ACSM5: variants seen among roughly 807,000 people sequenced by gnomAD.
ACSM5 encodes acyl-coenzyme A synthetase ACSM5, mitochondrial.
A neutral mutation model predicts 71.6 loss-of-function variants in ACSM5; 56 were observed. That is an observed-to-expected ratio of 0.78 (90% CI 0.63 to 0.98). The LOEUF (loss-of-function observed/expected upper bound fraction) is 0.98, where lower values mean the gene tolerates loss of function less well. Among genes scored for constraint, ACSM5 ranks in the 50% least tolerant of loss-of-function variants. The pLI, the probability that ACSM5 is intolerant of heterozygous loss-of-function variation, is 0.00. For missense variants in ACSM5, 723 were observed against 726.0 expected, an observed-to-expected ratio of 1.00 and a Z score of 0.05; for synonymous variants, 285 against 281.5, an observed-to-expected ratio of 1.01 and a Z score of -0.12.
intron 6 of ACSM5, among the ~76,000 whole-genome samples, chr16:20,426,774 TTG>T (rs1403517324): frequency 6.6e-6 from 1 of 152,160 alleles, no homozygotes; most frequent in Non-Finnish European, 1.5e-5. Flanking sequence ...TGGGAAATTA[TTG>T]TGTAATGGGT....
At position 20,439,880 on chromosome 16, in the gene ACSM5, T is replaced by A; in HGVS notation, c.1617T>A (p.His539Gln). 2 of 1,612,296 alleles carry A rather than the reference T, an allele frequency of 1.2e-6. No homozygotes were observed. Among genetic ancestry groups the A allele is most frequent in the Middle Eastern group, 3.3e-4 (2 of 6,000 alleles). ...PEALTRELQEHVKRVTAPYKY... is the reference protein window; with the variant it reads ...PEALTRELQEQVKRVTAPYKY... ...CACTAACGCGGGAACTCCAGGAGCA[T>A]GTGAAAAGGGTGACTGCTCCATACA... The change falls in exon 13 of 14, where the codon CAT (histidine) becomes CAA (glutamine). Residue 539 changes from histidine (H) to glutamine (Q), a missense_variant. Physicochemically the swap from His to Gln is conservative, Grantham distance 24. Coordinates refer to ENST00000331849, the MANE Select transcript of ACSM5 (RefSeq NM_017888.3).
chr16:20,439,764 G>T (rs71374811), intron 12 of ACSM5, 36 bp from the exon 13 acceptor site: 373,571 of 1,467,528 alleles, frequency 0.25, 31,908 homozygotes, highest in East Asian at 0.59. Flanking sequence ...TGTTATACGA[G>T]GCCTGATCTT....
intron 10 of ACSM5, among the ~76,000 whole-genome samples, chr16:20,436,089 C>T (rs1423640991): frequency 7.2e-6 from 1 of 138,662 alleles, no homozygotes; most frequent in African/African-American, 2.8e-5. Flanking sequence ...TCCTTCCTTC[C>T]TTTTCTCTTT....
intron 7 of ACSM5, 127 bp downstream of exon 7, chr16:20,427,994 T>C (rs1282508710): frequency 7.2e-5 from 54 of 750,252 alleles, no homozygotes; most frequent in Non-Finnish European, 1.2e-4. Context: ...TATATATTTT[T>C]CTGCCTCTCT....
In ACSM5 at chr16:20,418,128, T is replaced by A. The variant is rs1324404125; in HGVS notation, c.274T>A (p.Phe92Ile). 1 of 1,613,632 alleles carries A rather than the reference T, an allele frequency of 6.2e-7. No homozygotes were observed. Among genetic ancestry groups the A allele is most frequent in the East Asian group, 2.2e-5 (1 of 44,876 alleles). The change falls in exon 3 of 14, where the codon TTT becomes ATT. Residue 92 changes from phenylalanine (F) to isoleucine (I), a missense_variant. Phe to Ile is a conservative substitution (Grantham distance 21). Transcript: ENST00000331849. The part of the protein sequence containing the change: ...NGTGAEIKWS[F>I]EELGKQSRKA... Reference sequence around the variant, plus strand: ...CACAGGAGCAGAGATCAAGTGGAGCTTTGAGGAGCTGGGGAAGCAGTCCAG... The same window carrying A: ...CACAGGAGCAGAGATCAAGTGGAGCATTGAGGAGCTGGGGAAGCAGTCCAG...
intron 7 of ACSM5, among the ~76,000 whole-genome samples, chr16:20,429,203 G>T (rs1381780974): frequency 3.9e-5 from 6 of 151,922 alleles, no homozygotes; most frequent in Non-Finnish European, 8.8e-5. Context: ...GGTAGAGACG[G>T]GGTTTTACCA....
At chr16:20,418,934 T>TC (rs1966865168) in intron 3 of ACSM5, among the ~76,000 whole-genome samples, 1 of 152,202 alleles carries the variant, frequency 6.6e-6, no homozygotes, top group East Asian at 1.9e-4. Context: ...CCTCCTGTTG[T>TC]CATGAATGTC....
chr16:20,417,943 T>C lies in ACSM5; in HGVS notation c.205-116T>C, dbSNP rs1358565026. 2.9e-6 allele frequency: 3 copies of C among 1,025,680 alleles called. No homozygotes were observed. The African/African-American group carries it at 4.9e-5, about 17-fold the overall frequency. 63.5% of individuals were successfully genotyped at this position (1,025,680 alleles called of 1,614,324 possible). A position where few individuals can be genotyped will look rare whatever the true frequency, so the allele number is the denominator to read the frequency against. Reference sequence around the variant, plus strand: ...CAATGCATGTCTTTCCATATTGCTTTGCTTTTTGAACCCTGTGAATTTTAT... The same window carrying C: ...CAATGCATGTCTTTCCATATTGCTTCGCTTTTTGAACCCTGTGAATTTTAT... On this transcript the variant is annotated intron_variant, in intron 2 of 13. Coordinates refer to ENST00000331849, the MANE Select transcript of ACSM5 (RefSeq NM_017888.3).
rs1322223280 is a variant in ACSM5 at position 20,411,688 on chromosome 16, G to A, written c.204G>A (p.Glu68=). 1.2e-6 allele frequency: 2 copies of A among 1,613,572 alleles called. No homozygotes were observed. The highest frequency in any genetic ancestry group is 3.3e-5 in the Admixed American group (2 of 60,008). Residue 68 remains glutamate (E), a splice_region_variant and synonymous_variant, in exon 2 of 14, where the codon GAG becomes GAA. Coordinates refer to ENST00000331849, the MANE Select transcript of ACSM5 (RefSeq NM_017888.3). ...DVLDVWSRLE[E]AGHRPPNPAF... ...TGGATGTGTGGAGTCGGCTGGAAGA[G>A]GTGAAGCCTGTTCTGTCCTAGAGTC...
At chr16:20,434,200 A>G (rs748900659) in intron 10 of ACSM5, among the ~76,000 whole-genome samples, 2 of 152,210 alleles carry the variant, frequency 1.3e-5, no homozygotes, top group Non-Finnish European at 2.9e-5. Context: ...ACTTTAGGGT[A>G]GAAAATACAC....
At chr16:20,422,346 A>G (rs888709216) in intron 5 of ACSM5, among the ~76,000 whole-genome samples, 1 of 152,086 alleles carries the variant, frequency 6.6e-6, no homozygotes, top group Non-Finnish European at 1.5e-5. Context: ...TCCTGACCTC[A>G]TGATCCTCAC....
At chr16:20,431,376 G>A in intron 10 of ACSM5, 55 bp downstream of exon 10, 6 of 1,359,518 alleles carry the variant, frequency 4.4e-6, no homozygotes, top group Admixed American at 3.4e-5. Flanking sequence ...TAAGCATTGT[G>A]CACCACACTT....
At chr16:20,429,939 T>A (rs1259499841) in intron 8 of ACSM5, 138 bp downstream of exon 8, 1 of 1,014,550 alleles carries the variant, frequency 9.9e-7, no homozygotes, top group African/African-American at 1.6e-5. Flanking sequence ...TTCCATCAGC[T>A]TTCCTTCCCT....
chr16:20,421,615 CTATATATATATATATATATATATATA>C (rs59443556), intron 5 of ACSM5, among the ~76,000 whole-genome samples: 7 of 105,830 alleles, frequency 6.6e-5, no homozygotes, highest in East Asian at 2.6e-4. Context: ...TAAATCGTGG[CTATATATATATATATATATATATATA>C]TATATATATA....
At chr16:20,423,663 C>T (rs941273492) in intron 5 of ACSM5, among the ~76,000 whole-genome samples, 7 of 152,212 alleles carry the variant, frequency 4.6e-5, no homozygotes, top group Non-Finnish European at 8.8e-5. Flanking sequence ...TTAATTTTTT[C>T]CCCTTATATA....
chr16:20,421,640 T>C (rs1003852996), intron 5 of ACSM5, among the ~76,000 whole-genome samples: 3 of 133,662 alleles, frequency 2.2e-5, no homozygotes, highest in Non-Finnish European at 3.1e-5. Context: ...TATATATATA[T>C]ATATATATAT....
At position 20,423,944 on chromosome 16, in the gene ACSM5, ATCT is replaced by A. The variant is rs1567343263; in HGVS notation, c.800_802del (p.Phe267del). ...GTGGGTGGCCTTGACCGAATCTGAC[ATCT>A]TCTGGAACACGACTGACACTGGCTG... On this transcript the variant is annotated inframe_deletion, in exon 6 of 14. Coordinates refer to ENST00000331849, the MANE Select transcript of ACSM5 (RefSeq NM_017888.3). The A allele has an allele frequency of 2.5e-6, 4 of 1,614,154 alleles. No individual in the cohort carries two copies. The highest frequency in any genetic ancestry group is 3.4e-6 in the Non-Finnish European group (4 of 1,180,004).
chr16:20,418,913 G>A (rs1405293884), intron 3 of ACSM5, among the ~76,000 whole-genome samples: 1 of 152,138 alleles, frequency 6.6e-6, no homozygotes, highest in Non-Finnish European at 1.5e-5. Flanking sequence ...CAGGAGGTTA[G>A]GGGGACAGGT....
At chr16:20,421,058 A>G in intron 4 of ACSM5, 200 bp from the exon 5 acceptor site, 1 of 469,636 alleles carries the variant, frequency 2.1e-6, no homozygotes, top group South Asian at 8.1e-5. Flanking sequence ...TTTGAGCCTC[A>G]GTTTCCTGGT....
Sources: allele counts gnomAD v4.1 joint callset (sites outside exome capture counted in the v4.1 genomes callset), GRCh38; gene constraint gnomAD v4.1.1; transcripts MANE v1.5; gene names NCBI Gene and HGNC (gene_info 2026-07-23, HGNC 2026-07-21).